Variants in COL19A1 observed in about 807,000 individuals in gnomAD.
COL19A1 encodes collagen alpha-1(XIX) chain.
A neutral mutation model predicts 190.2 loss-of-function variants in COL19A1; 159 were observed. That is an observed-to-expected ratio of 0.84 (90% CI 0.73 to 0.95). The LOEUF (loss-of-function observed/expected upper bound fraction) is 0.95. COL19A1 is among the 40% of genes least tolerant of loss of function. The pLI is 0.00. For synonymous variants in COL19A1, 509 were observed against 458.9 expected (o/e 1.11, Z -1.39); for missense variants, 1,418 against 1,431.9 (o/e 0.99, Z 0.16).
intron 48 of COL19A1, among the ~76,000 whole-genome samples, chr6:70,193,537 C>T (rs3806059): frequency 0.056 from 8,532 of 152,244 alleles, 442 homozygotes; most frequent in African/African-American, 0.13. Context: ...TCCAGCCTGG[C>T]CAGGTCCAGG....
At chr6:69,912,213 C>G (rs1770978000) in intron 4 of COL19A1, among the ~76,000 whole-genome samples, 1 of 152,140 alleles carries the variant, frequency 6.6e-6, no homozygotes, top group Non-Finnish European at 1.5e-5. Context: ...CTTCAAGTTT[C>G]CTTCTTTTTT....
intron 4 of COL19A1, among the ~76,000 whole-genome samples, chr6:69,918,451 C>A (rs1363268645): frequency 1.3e-5 from 2 of 152,126 alleles, no homozygotes; most frequent in East Asian, 3.9e-4. Flanking sequence ...AATCCCAGAA[C>A]TTGGGGAGGC....
chr6:69,954,666 C>T (rs1330207786), intron 9 of COL19A1, among the ~76,000 whole-genome samples: 1 of 152,114 alleles, frequency 6.6e-6, no homozygotes, highest in East Asian at 1.9e-4. Flanking sequence ...AGAAAGTATG[C>T]TCTTCCCTCT....
intron 14 of COL19A1, among the ~76,000 whole-genome samples, chr6:70,066,504 G>A (rs1781213949): frequency 6.6e-6 from 1 of 152,044 alleles, no homozygotes; most frequent in African/African-American, 2.4e-5. Flanking sequence ...TGTAAATAAT[G>A]AGTTAATGGG....
At chr6:70,158,051 T>C (rs1419671148) in intron 34 of COL19A1, among the ~76,000 whole-genome samples, 1 of 152,128 alleles carries the variant, frequency 6.6e-6, no homozygotes, top group Admixed American at 6.6e-5. Context: ...CACAAAATTG[T>C]ACACAATTCT....
intron 11 of COL19A1, among the ~76,000 whole-genome samples, chr6:69,963,159 G>T (rs947797800): frequency 6.6e-6 from 1 of 152,188 alleles, no homozygotes; most frequent in East Asian, 1.9e-4. Context: ...TTTATATTAT[G>T]AAATCATTCA....
At chr6:70,028,607 AG>A (rs1313841641) in intron 12 of COL19A1, among the ~76,000 whole-genome samples, 1 of 152,122 alleles carries the variant, frequency 6.6e-6, no homozygotes, top group African/African-American at 2.4e-5. Flanking sequence ...TTCCAGAGAG[AG>A]CTCCTCCCTG....
At chr6:70,144,290 TA>T in intron 24 of COL19A1, 27 bp downstream of exon 24, 1 of 1,579,396 alleles carries the variant, frequency 6.3e-7, no homozygotes, top group Non-Finnish European at 8.6e-7. Context: ...CCTCATTTTA[TA>T]TGTTAAGTAG....
chr6:69,942,974 A>T (rs923428949), intron 9 of COL19A1, among the ~76,000 whole-genome samples: 6 of 152,178 alleles, frequency 3.9e-5, no homozygotes, highest in African/African-American at 1.2e-4. Flanking sequence ...AGGCATTTCC[A>T]TACTGTTCTC....
At chr6:69,893,743 A>AAG in intron 2 of COL19A1, among the ~76,000 whole-genome samples, 1 of 152,328 alleles carries the variant, frequency 6.6e-6, no homozygotes, top group Middle Eastern at 3.4e-3. Flanking sequence ...TTCCAGATCC[A>AAG]AGAGATAATC....
At chr6:70,181,446 T>C (rs1766168351) in intron 44 of COL19A1, among the ~76,000 whole-genome samples, 1 of 152,068 alleles carries the variant, frequency 6.6e-6, no homozygotes, top group Non-Finnish European at 1.5e-5. Flanking sequence ...TCAATAATAT[T>C]AGTTTCATTC....
At chr6:70,025,812 G>T (rs563415306) in intron 12 of COL19A1, among the ~76,000 whole-genome samples, 1 of 152,308 alleles carries the variant, frequency 6.6e-6, no homozygotes, top group African/African-American at 2.4e-5. Context: ...TAAGTAATTA[G>T]AGTCTAAGCT....
intron 11 of COL19A1, among the ~76,000 whole-genome samples, chr6:69,966,385 AAAG>A (rs1239292628): frequency 6.6e-6 from 1 of 152,362 alleles, no homozygotes; most frequent in East Asian, 1.9e-4. Context: ...GTCTGTGTAG[AAAG>A]AAGTAGACAT....
At chr6:69,995,521 G>C (rs1582635445) in intron 11 of COL19A1, among the ~76,000 whole-genome samples, 1 of 140,498 alleles carries the variant, frequency 7.1e-6, no homozygotes, top group Non-Finnish European at 1.5e-5. Context: ...AAAACCGTGT[G>C]ATTTTTTTTT....
At chr6:69,992,452 A>G (rs1414449597) in intron 11 of COL19A1, among the ~76,000 whole-genome samples, 3 of 152,022 alleles carry the variant, frequency 2.0e-5, no homozygotes, top group South Asian at 2.1e-4. Flanking sequence ...TTGCACTTGT[A>G]TACAAGAACT....
At chr6:70,030,394 A>T (rs931283474) in intron 12 of COL19A1, among the ~76,000 whole-genome samples, 2 of 152,084 alleles carry the variant, frequency 1.3e-5, no homozygotes, top group Non-Finnish European at 2.9e-5. Flanking sequence ...TGTACCCAGA[A>T]CTCAATGTGA....
At chr6:70,023,534 T>C (rs1023970791) in intron 11 of COL19A1, 93 bp from the exon 12 acceptor site, 1 of 987,652 alleles carries the variant, frequency 1.0e-6, no homozygotes, top group Non-Finnish European at 1.5e-6. Context: ...AGTAATCATA[T>C]TGTTATAAAT....
intron 11 of COL19A1, among the ~76,000 whole-genome samples, chr6:69,966,943 C>T (rs1296210397): frequency 6.6e-6 from 1 of 152,130 alleles, no homozygotes; most frequent in East Asian, 1.9e-4. Flanking sequence ...GAAATGTAAA[C>T]ATCTGCCTCA....
chr6:70,088,897 G>C (rs145346664), intron 15 of COL19A1, among the ~76,000 whole-genome samples: 110 of 152,216 alleles, frequency 7.2e-4, no homozygotes, highest in African/African-American at 2.5e-3. Flanking sequence ...CATTAAAGTA[G>C]TAAAAAATCT....
Sources: gnomAD v4.1 joint callset for allele counts (sites outside exome capture counted in the v4.1 genomes callset) on GRCh38, gnomAD v4.1.1 for gene constraint, MANE v1.5 for transcripts, NCBI Gene and HGNC (gene_info 2026-07-23, HGNC 2026-07-21) for gene names.